Variants in ACOXL observed in about 807,000 individuals in gnomAD.
ACOXL encodes acyl-CoA oxidase like, also known as acyl-coenzyme A oxidase-like protein.
A neutral mutation model predicts 71.9 loss-of-function variants in ACOXL; 70 were observed. That is an observed-to-expected ratio of 0.97 (90% CI 0.80 to 1.19). ACOXL has a LOEUF of 1.19. Among genes scored for constraint, ACOXL ranks in the 50% most tolerant of loss-of-function variants. The probability of loss-of-function intolerance (pLI) is 0.00; values close to 1 mark genes in which losing one functional copy is unlikely to be tolerated. For missense variants in ACOXL, 703 were observed against 736.3 expected (o/e 0.95, Z 0.52); for synonymous variants, 253 against 281.6 (o/e 0.90, Z 1.02).
chr2:110,996,502 T>G (rs1370317945), intron 14 of ACOXL, among the ~76,000 whole-genome samples: 5 of 152,160 alleles, frequency 3.3e-5, no homozygotes, highest in African/African-American at 1.2e-4. Context: ...ACAGTGCCAG[T>G]GGGGTTAGTT....
intron 1 of ACOXL, among the ~76,000 whole-genome samples, chr2:110,763,085 G>C (rs1041381440): frequency 1.8e-4 from 28 of 152,170 alleles, no homozygotes; most frequent in African/African-American, 6.8e-4. Flanking sequence ...TAAATGGTGG[G>C]ATATTCTATG....
chr2:110,843,574 A>C (rs1351615325), intron 10 of ACOXL, among the ~76,000 whole-genome samples: 2 of 152,074 alleles, frequency 1.3e-5, no homozygotes, highest in Non-Finnish European at 2.9e-5. Context: ...TTCAGCCTTG[A>C]CCCCAAACTT....
chr2:111,072,731 G>A (rs764933030), intron 16 of ACOXL, among the ~76,000 whole-genome samples: 25 of 152,200 alleles, frequency 1.6e-4, no homozygotes, highest in Non-Finnish European at 3.2e-4. Flanking sequence ...GTAGAACTCT[G>A]CCAATTGTGG....
intron 1 of ACOXL, among the ~76,000 whole-genome samples, chr2:110,754,016 T>C (rs1679343001): frequency 6.6e-6 from 1 of 151,090 alleles, no homozygotes; most frequent in African/African-American, 2.5e-5. Context: ...TTATATATCC[T>C]CTTGCACATG....
intron 1 of ACOXL, among the ~76,000 whole-genome samples, chr2:110,742,390 T>C (rs1677655598): frequency 6.6e-6 from 1 of 152,224 alleles, no homozygotes; most frequent in African/African-American, 2.4e-5. Context: ...TATTGTTGAC[T>C]ATGTGTAAGG....
At chr2:111,038,393 G>A (rs2149782244) in intron 15 of ACOXL, among the ~76,000 whole-genome samples, 1 of 152,292 alleles carries the variant, frequency 6.6e-6, no homozygotes, top group African/African-American at 2.4e-5. Flanking sequence ...CTTTTTAAAT[G>A]TGTTTCCCAC....
chr2:110,749,945 A>G (rs1345732774), intron 1 of ACOXL, among the ~76,000 whole-genome samples: 1 of 152,054 alleles, frequency 6.6e-6, no homozygotes, highest in Non-Finnish European at 1.5e-5. Flanking sequence ...GTGTTTGTCA[A>G]ATGTCTCTCA....
intron 11 of ACOXL, among the ~76,000 whole-genome samples, chr2:110,933,000 TC>T (rs1467973440): frequency 6.6e-6 from 1 of 152,240 alleles, no homozygotes; most frequent in African/African-American, 2.4e-5. Flanking sequence ...CCTCTGCTGT[TC>T]CTCTGGTTCG....
At chr2:110,812,406 T>A (rs1573635886) in intron 9 of ACOXL, among the ~76,000 whole-genome samples, 1 of 152,328 alleles carries the variant, frequency 6.6e-6, no homozygotes, top group East Asian at 1.9e-4. Context: ...GATTATTTCA[T>A]CACCCAAGTA....
intron 10 of ACOXL, among the ~76,000 whole-genome samples, chr2:110,859,452 AAC>A: frequency 6.6e-6 from 1 of 152,342 alleles, no homozygotes; most frequent in South Asian, 2.1e-4. Context: ...GGCAAAAGAA[AAC>A]ACAGACAATC....
chr2:110,915,366 G>GTGTGTGTGTGTGTATGTA (rs2059808704), intron 11 of ACOXL, among the ~76,000 whole-genome samples: 3 of 140,986 alleles, frequency 2.1e-5, no homozygotes, highest in African/African-American at 7.8e-5. Context: ...GTGTGTGTGT[G>GTGTGTGTGTGTGTATGTA]TGTGTGTGTG....
chr2:111,030,501 A>G (rs575243079), intron 14 of ACOXL, among the ~76,000 whole-genome samples: 1 of 152,282 alleles, frequency 6.6e-6, no homozygotes, highest in South Asian at 2.1e-4. Flanking sequence ...TGATGTTGCT[A>G]AATTATACAT....
intron 10 of ACOXL, among the ~76,000 whole-genome samples, chr2:110,858,633 A>G (rs1693565515): frequency 6.6e-6 from 1 of 152,254 alleles, no homozygotes; most frequent in Non-Finnish European, 1.5e-5. Flanking sequence ...CTGAACAGAG[A>G]GATGTTTGTA....
intron 1 of ACOXL, among the ~76,000 whole-genome samples, chr2:110,748,204 G>C (rs180993249): frequency 6.6e-6 from 1 of 152,296 alleles, no homozygotes; most frequent in East Asian, 1.9e-4. Flanking sequence ...ATGGGCCAAG[G>C]TATCTTGGAT....
At chr2:110,787,309 C>T (rs1684085038) in intron 3 of ACOXL, among the ~76,000 whole-genome samples, 2 of 151,976 alleles carry the variant, frequency 1.3e-5, no homozygotes, top group Admixed American at 1.3e-4. Context: ...CCAAGGCAGG[C>T]GGATCACAAG....
At chr2:110,783,014 T>C (rs1683530194) in intron 2 of ACOXL, among the ~76,000 whole-genome samples, 1 of 152,166 alleles carries the variant, frequency 6.6e-6, no homozygotes, top group Non-Finnish European at 1.5e-5. Flanking sequence ...CCAAGACTTC[T>C]TCTGGCTTAA....
chr2:110,790,004 A>G (rs1035911191), intron 3 of ACOXL, among the ~76,000 whole-genome samples: 1 of 152,168 alleles, frequency 6.6e-6, no homozygotes, highest in Non-Finnish European at 1.5e-5. Context: ...CTTCCCAGCC[A>G]CACTTTTGGC....
At chr2:110,773,671 G>T (rs1221502537) in intron 2 of ACOXL, among the ~76,000 whole-genome samples, 2 of 152,186 alleles carry the variant, frequency 1.3e-5, no homozygotes, top group Non-Finnish European at 2.9e-5. Context: ...TGGAACCCAG[G>T]CTTCTCCTAG....
chr2:110,987,030 T>C, intron 12 of ACOXL, 78 bp from the exon 13 acceptor site: 2 of 1,155,922 alleles, frequency 1.7e-6, no homozygotes, highest in South Asian at 1.4e-5. Context: ...GACAAATAGA[T>C]CTTATTGGGT....
Sources: gnomAD v4.1 joint callset for allele counts (sites outside exome capture counted in the v4.1 genomes callset) on GRCh38, gnomAD v4.1.1 for gene constraint, MANE v1.5 for transcripts, NCBI Gene and HGNC (gene_info 2026-07-23, HGNC 2026-07-21) for gene names.